The following C1orf21 variants were observed in gnomAD, a reference collection of about 807,000 sequenced individuals.
C1orf21 encodes chromosome 1 open reading frame 21, also known as uncharacterized protein C1orf21.
C1orf21 carries 3 observed loss-of-function variants against 18.7 expected under a neutral mutation model. That is an observed-to-expected ratio of 0.16 (90% confidence interval 0.07 to 0.42). The LOEUF is 0.42. C1orf21 is among the 10% of genes least tolerant of loss of function. The pLI, the probability that C1orf21 is intolerant of heterozygous loss-of-function variation, is 0.99. For synonymous variants in C1orf21, 41 were observed against 46.4 expected, an observed-to-expected ratio of 0.88 and a Z score of 0.47; for missense variants, 104 against 143.6, an observed-to-expected ratio of 0.72 and a Z score of 1.41.
At chr1:184,411,416 C>CTTTTT (rs1199251450) in intron 1 of C1orf21, among the ~76,000 whole-genome samples, 21 of 95,680 alleles carry the variant, frequency 2.2e-4, no homozygotes, top group Non-Finnish European at 2.9e-4. Context: ...TGGGTATTTC[C>CTTTTT]TTTTTTTTTT....
chr1:184,505,316 T>TATATATATACAC (rs1658037815), intron 2 of C1orf21, among the ~76,000 whole-genome samples: 1 of 128,294 alleles, frequency 7.8e-6, no homozygotes, highest in Admixed American at 7.5e-5. Flanking sequence ...AATATATATA[T>TATATATATACAC]ATATATATAT....
intron 1 of C1orf21, among the ~76,000 whole-genome samples, chr1:184,408,666 C>G (rs971620789): frequency 1.6e-4 from 25 of 152,130 alleles, no homozygotes; most frequent in African/African-American, 5.8e-4. Flanking sequence ...TGTTTACCAT[C>G]AAGGAGGGAT....
chr1:184,437,325 A>T (rs1191935464), intron 1 of C1orf21, among the ~76,000 whole-genome samples: 5 of 152,188 alleles, frequency 3.3e-5, no homozygotes, highest in African/African-American at 7.2e-5. Flanking sequence ...ACACAAAATC[A>T]AGCCTGTTAT....
At chr1:184,510,278 A>G (rs952967353) in intron 3 of C1orf21, among the ~76,000 whole-genome samples, 7 of 152,232 alleles carry the variant, frequency 4.6e-5, no homozygotes, top group African/African-American at 4.8e-5. Flanking sequence ...GCTCAGTTCA[A>G]CAAATATTTG....
At chr1:184,546,170 C>T (rs916267104) in intron 3 of C1orf21, 1 of 152,232 alleles carries the variant, frequency 6.6e-6, no homozygotes, top group Non-Finnish European at 1.5e-5. Context: ...CACAGTGGCT[C>T]ACACCTGTAA....
intron 1 of C1orf21, among the ~76,000 whole-genome samples, chr1:184,388,278 C>T (rs952283631): frequency 5.9e-5 from 9 of 152,144 alleles, no homozygotes; most frequent in African/African-American, 2.2e-4. Flanking sequence ...TGGGGTGGTC[C>T]TCTTTGCTCC....
intron 3 of C1orf21, among the ~76,000 whole-genome samples, chr1:184,512,982 C>T (rs1658173112): frequency 6.6e-6 from 1 of 152,194 alleles, no homozygotes; most frequent in Non-Finnish European, 1.5e-5. Flanking sequence ...GGAGAACAAG[C>T]CCTATCGTGA....
chr1:184,528,800 T>C (rs567425398), intron 3 of C1orf21, among the ~76,000 whole-genome samples: 1 of 152,344 alleles, frequency 6.6e-6, no homozygotes, highest in East Asian at 1.9e-4. Context: ...TTTCCTTAGC[T>C]TTTATCTTGC....
intron 1 of C1orf21, among the ~76,000 whole-genome samples, chr1:184,426,491 C>T (rs948564836): frequency 6.6e-6 from 1 of 152,132 alleles, no homozygotes; most frequent in African/African-American, 2.4e-5. Flanking sequence ...TACGCTCCAC[C>T]CTATTTCATC....
intron 3 of C1orf21, among the ~76,000 whole-genome samples, chr1:184,561,017 A>G (rs1232103823): frequency 6.6e-6 from 1 of 152,194 alleles, no homozygotes; most frequent in Non-Finnish European, 1.5e-5. Flanking sequence ...CTTGTTTACA[A>G]TGCTGTTGTG....
intron 1 of C1orf21, among the ~76,000 whole-genome samples, chr1:184,425,859 A>G (rs1656628921): frequency 6.6e-6 from 1 of 152,212 alleles, no homozygotes; most frequent in Non-Finnish European, 1.5e-5. Context: ...TTGAATTAGT[A>G]TTTGTTATGT....
intron 3 of C1orf21, among the ~76,000 whole-genome samples, chr1:184,530,600 C>CTTTTTT (rs1184327589): frequency 2.9e-3 from 322 of 111,218 alleles, no homozygotes; most frequent in Non-Finnish European, 3.7e-3. Context: ...TTTCTTTTTT[C>CTTTTTT]TTTTTTTTTT....
chr1:184,545,781 G>C (rs1175716717), intron 3 of C1orf21: 1 of 152,126 alleles, frequency 6.6e-6, no homozygotes, highest in Non-Finnish European at 1.5e-5. Flanking sequence ...GGAATCTCAT[G>C]AATCATTAGA....
chr1:184,551,651 C>A (rs1240012011), intron 3 of C1orf21, among the ~76,000 whole-genome samples: 1 of 152,158 alleles, frequency 6.6e-6, no homozygotes, highest in African/African-American at 2.4e-5. Flanking sequence ...TGCCAATCTA[C>A]CGTGTTTGGC....
chr1:184,505,622 G>T (rs1318299390), intron 2 of C1orf21, among the ~76,000 whole-genome samples: 1 of 151,680 alleles, frequency 6.6e-6, no homozygotes, highest in African/African-American at 2.4e-5. Flanking sequence ...AATTAGCCAG[G>T]CATGGTAGCA....
chr1:184,403,910 T>C (rs1019018289), intron 1 of C1orf21, among the ~76,000 whole-genome samples: 2 of 152,230 alleles, frequency 1.3e-5, no homozygotes, highest in African/African-American at 4.8e-5. Context: ...ATGGGTACTT[T>C]AACACTAAGC....
rs150078997 is a variant in C1orf21, at chr1:184,436,949, G to T, written c.-124-40437G>T. Among the ~76,000 whole-genome samples, 33 of 152,212 alleles carry T rather than the reference G, an allele frequency of 2.2e-4. No homozygotes were observed. In the East Asian group the frequency reaches 6.4e-3, roughly 29 times the overall value. ...GTGAGATTGAGCGGCGGGTTGGGGG[G>T]TACTTTTGAAGGTCCCTCTGAGAAT... On this transcript the variant is annotated intron_variant, in intron 1 of 5. Coordinates refer to ENST00000235307, the MANE Select transcript of C1orf21 (RefSeq NM_030806.4).
chr1:184,401,187 G>C (rs1383508352), intron 1 of C1orf21, among the ~76,000 whole-genome samples: 1 of 151,874 alleles, frequency 6.6e-6, no homozygotes, highest in East Asian at 1.9e-4. Context: ...CATTTTTATA[G>C]AATTGTGGGT....
chr1:184,527,541 G>A (rs924078152), intron 3 of C1orf21, among the ~76,000 whole-genome samples: 2 of 152,098 alleles, frequency 1.3e-5, no homozygotes, highest in African/African-American at 4.8e-5. Flanking sequence ...CAGAGGCCAG[G>A]GACTTAAAAG....
Sources: allele counts gnomAD v4.1 joint callset (sites outside exome capture counted in the v4.1 genomes callset), GRCh38; gene constraint gnomAD v4.1.1; transcripts MANE v1.5; gene names NCBI Gene and HGNC (gene_info 2026-07-23, HGNC 2026-07-21).